The following PLEKHM3 variants were observed in gnomAD, a reference collection of about 807,000 sequenced individuals.
The protein encoded by PLEKHM3 is pleckstrin homology domain containing M3, also known as pleckstrin homology domain-containing family M member 3.
PLEKHM3 carries 45 observed loss-of-function variants against 81.8 expected under a neutral mutation model. The ratio of observed to expected loss-of-function variants is 0.55; its 90% confidence interval spans 0.43 to 0.71. PLEKHM3 has a LOEUF of 0.71. Ranked by LOEUF, PLEKHM3 falls within the 30% of genes least tolerant of loss-of-function variation. The pLI is 0.00. For missense variants in PLEKHM3, 788 were observed against 924.3 expected (o/e 0.85, Z 1.91); for synonymous variants, 352 against 356.4 (o/e 0.99, Z 0.14).
intron 1 of PLEKHM3, among the ~76,000 whole-genome samples, chr2:208,004,954 T>C (rs1692450842): frequency 6.6e-6 from 1 of 151,952 alleles, no homozygotes; most frequent in Non-Finnish European, 1.5e-5. Context: ...ACCTCCTGAG[T>C]AGTGGGGATT....
chr2:207,924,841 C>T (rs1238091756), intron 5 of PLEKHM3, among the ~76,000 whole-genome samples: 1 of 152,080 alleles, frequency 6.6e-6, no homozygotes, highest in African/African-American at 2.4e-5. Flanking sequence ...TTGGGTATTC[C>T]TAGCATTAGG....
intron 3 of PLEKHM3, among the ~76,000 whole-genome samples, chr2:207,974,529 C>T (rs1691236698): frequency 6.6e-6 from 1 of 152,206 alleles, no homozygotes; most frequent in African/African-American, 2.4e-5. Flanking sequence ...GAGAACTAAG[C>T]TGAGCTGTTC....
intron 1 of PLEKHM3, among the ~76,000 whole-genome samples, chr2:208,016,761 G>C (rs1692936660): frequency 6.6e-6 from 1 of 150,464 alleles, no homozygotes; most frequent in Non-Finnish European, 1.5e-5. Context: ...TCAGCGTGAG[G>C]CAACCACTTT....
chr2:208,007,262 C>T (rs73066711), intron 1 of PLEKHM3, among the ~76,000 whole-genome samples: 8,159 of 152,254 alleles, frequency 0.054, 698 homozygotes, highest in African/African-American at 0.18. Context: ...ACATTGAGGG[C>T]GTTCACATCA....
rs143924051 is a variant in PLEKHM3 at position 207,990,088 on chromosome 2, C to T, written c.610+10942G>A. On this transcript the variant is annotated intron_variant, in intron 2 of 7. Coordinates refer to ENST00000427836, the MANE Select transcript of PLEKHM3 (RefSeq NM_001080475.3). ...AGGCCAAGAGTGCTATTCCAGCTGA[C>T]GTCCCTTTACATGGACACATAAAGC... 1.2e-4 allele frequency among the ~76,000 whole-genome samples: 19 copies of T among 152,320 alleles called. 1 individual carries two copies. The East Asian group carries it at 2.9e-3, about 23-fold the overall frequency.
intron 7 of PLEKHM3, among the ~76,000 whole-genome samples, chr2:207,836,471 G>A (rs970079051): frequency 3.9e-5 from 6 of 152,116 alleles, no homozygotes; most frequent in Admixed American, 1.3e-4. Flanking sequence ...GGCCAGACAC[G>A]ATGCTCTTAT....
Position 207,861,199 on chromosome 2 carries a change from A to G in PLEKHM3, c.2014T>C (p.Tyr672His). The G allele has an allele frequency of 6.2e-7, 1 of 1,614,156 alleles. No homozygotes were observed. The highest frequency in any genetic ancestry group is 1.1e-5 in the South Asian group (1 of 91,078). ...TTCTGGCTACAAAGACTGCAGCTGTACACGTGTGAGGTGGCAAATTTAATG... is the reference window on the plus strand; with the variant it reads ...TTCTGGCTACAAAGACTGCAGCTGTGCACGTGTGAGGTGGCAAATTTAATG... ...KVIKFATSHVYSCSLCSQKGF... is the reference protein window; with the variant it reads ...KVIKFATSHVHSCSLCSQKGF... The change falls in exon 7 of 8, where the codon TAC becomes CAC. Residue 672 changes from tyrosine to histidine, a missense_variant. By Grantham distance (83) the Tyr-to-His change is moderately conservative. Coordinates refer to ENST00000427836, the MANE Select transcript of PLEKHM3 (RefSeq NM_001080475.3).
At position 208,011,299 on chromosome 2, in the gene PLEKHM3, C is replaced by T. The variant is rs115705102; in HGVS notation, c.-318-9342G>A. On this transcript the variant is annotated intron_variant, in intron 1 of 7. Transcript: ENST00000427836. ...AAGACACTTGCACATGCATGTTTAT[C>T]GTAGCACAATTTGCAGCTGCGAAAA... Among the ~76,000 whole-genome samples the T allele has an allele frequency of 8.0e-3, 1,222 of 152,200 alleles. 20 individuals carry two copies. The highest frequency in any genetic ancestry group is 0.028 in the African/African-American group (1,150 of 41,524).
intron 6 of PLEKHM3, among the ~76,000 whole-genome samples, chr2:207,865,801 AAGATATATATATATAT>A (rs1190556402): frequency 4.7e-4 from 12 of 25,288 alleles, no homozygotes; most frequent in African/African-American, 2.1e-3. Context: ...AAAAAAAAAA[AAGATATATATATATAT>A]ATATATATAT....
At chr2:207,894,698 G>A (rs1204613681) in intron 6 of PLEKHM3, among the ~76,000 whole-genome samples, 24 of 152,190 alleles carry the variant, frequency 1.6e-4, no homozygotes, top group Admixed American at 1.6e-3. Flanking sequence ...TTTCTCTAAA[G>A]AAGGGAGTCC....
intron 6 of PLEKHM3, among the ~76,000 whole-genome samples, chr2:207,885,179 T>C (rs1486644252): frequency 6.6e-6 from 1 of 152,254 alleles, no homozygotes; most frequent in Admixed American, 6.5e-5. Context: ...AAGCTCTGAC[T>C]AGTTTCTACT....
intron 3 of PLEKHM3, among the ~76,000 whole-genome samples, chr2:207,951,458 T>C (rs979981248): frequency 4.6e-5 from 7 of 152,336 alleles, no homozygotes; most frequent in African/African-American, 1.4e-4. Context: ...CCCAGACTCT[T>C]TTTGAAACTT....
At position 207,865,797 on chromosome 2, in the gene PLEKHM3, A is replaced by AT. The variant is rs1559212735; in HGVS notation, c.1951-4536_1951-4535insA. Among the ~76,000 whole-genome samples the AT allele has an allele frequency of 1.1e-3, 43 of 38,096 alleles. 4 individuals carry two copies. The highest frequency in any genetic ancestry group is 5.7e-3 in the African/African-American group (42 of 7,426). The allele number at this position is 38,096 out of a possible 152,430, so 25.0% of individuals were successfully genotyped here. ...ACTCCGACTCAAAAAAAAAAAAAAA[A>AT]AAAAAGATATATATATATATATATA... On this transcript the variant is annotated intron_variant, in intron 6 of 7. Coordinates refer to ENST00000427836, the MANE Select transcript of PLEKHM3 (RefSeq NM_001080475.3).
chr2:208,018,500 A>C (rs16840280), intron 1 of PLEKHM3, among the ~76,000 whole-genome samples: 8,153 of 152,184 alleles, frequency 0.054, 695 homozygotes, highest in African/African-American at 0.18. Flanking sequence ...TTCACCATAG[A>C]GTAAAGGACA....
intron 6 of PLEKHM3, among the ~76,000 whole-genome samples, chr2:207,905,482 C>G (rs1688572847): frequency 6.6e-6 from 1 of 152,160 alleles, no homozygotes; most frequent in South Asian, 2.1e-4. Flanking sequence ...GTTCTTTCTC[C>G]TTGTGTCCTT....
At chr2:207,910,107 G>A (rs1382591821) in intron 5 of PLEKHM3, among the ~76,000 whole-genome samples, 1 of 152,204 alleles carries the variant, frequency 6.6e-6, no homozygotes, top group African/African-American at 2.4e-5. Flanking sequence ...TGAGTGACAA[G>A]GGCATTATAT....
intron 4 of PLEKHM3, among the ~76,000 whole-genome samples, chr2:207,943,061 AG>A (rs1385753134): frequency 6.6e-6 from 1 of 152,214 alleles, no homozygotes; most frequent in Non-Finnish European, 1.5e-5. Flanking sequence ...GAATGAAGAA[AG>A]GTTGGTTAAT....
intron 4 of PLEKHM3, 33 bp downstream of exon 4, chr2:207,946,334 T>A: frequency 6.3e-7 from 1 of 1,594,830 alleles, no homozygotes; most frequent in Non-Finnish European, 8.6e-7. Flanking sequence ...ACCTGAATTA[T>A]TATTATTAAG....
chr2:207,983,051 ATT>A (rs3057253), intron 2 of PLEKHM3, among the ~76,000 whole-genome samples: 16 of 130,080 alleles, frequency 1.2e-4, no homozygotes, highest in African/African-American at 2.6e-4. Context: ...TTAAACATGG[ATT>A]TTTTTTTTTT....
Sources: gnomAD v4.1 joint callset for allele counts (sites outside exome capture counted in the v4.1 genomes callset) on GRCh38, gnomAD v4.1.1 for gene constraint, MANE v1.5 for transcripts, NCBI Gene and HGNC (gene_info 2026-07-23, HGNC 2026-07-21) for gene names.